KIFC3: variants seen among roughly 807,000 people sequenced by gnomAD.
The protein encoded by KIFC3 is kinesin family member C3, also known as kinesin-like protein KIFC3.
In KIFC3, 60 loss-of-function variants were observed where a neutral mutation model predicts 101.8. That is an observed-to-expected ratio of 0.59 (90% CI 0.48 to 0.73). KIFC3 has a LOEUF of 0.73. Among genes scored for constraint, KIFC3 ranks in the 30% least tolerant of loss-of-function variants. The probability of loss-of-function intolerance (pLI) is 0.00; values close to 1 mark genes in which losing one functional copy is unlikely to be tolerated. For synonymous variants in KIFC3, 476 were observed against 482.7 expected, an observed-to-expected ratio of 0.99 and a Z score of 0.18; for missense variants, 966 against 1,137.1, an observed-to-expected ratio of 0.85 and a Z score of 2.16.
At chr16:57,839,936 G>T (rs1290784521) in intron 1 of KIFC3, among the ~76,000 whole-genome samples, 5 of 152,044 alleles carry the variant, frequency 3.3e-5, no homozygotes, top group Admixed American at 6.6e-5. Context: ...ACTCTCCGCT[G>T]CCTAACAGAC....
intron 1 of KIFC3, among the ~76,000 whole-genome samples, chr16:57,850,287 C>T (rs1389748821): frequency 6.7e-6 from 1 of 150,254 alleles, no homozygotes; most frequent in Non-Finnish European, 1.5e-5. Flanking sequence ...CCTGTAGTCC[C>T]AGCTATTCAG....
At chr16:57,795,203 G>A in intron 2 of KIFC3, 62 bp from the exon 3 acceptor site, 1 of 1,575,730 alleles carries the variant, frequency 6.3e-7, no homozygotes, top group African/African-American at 1.4e-5. Flanking sequence ...TGCTAGCCAT[G>A]GACCACTGGC....
At chr16:57,810,436 G>A (rs1246542717) in intron 1 of KIFC3, among the ~76,000 whole-genome samples, 7 of 152,154 alleles carry the variant, frequency 4.6e-5, no homozygotes, top group Admixed American at 3.9e-4. Context: ...AAGTTTTGAC[G>A]CTGCTGATTA....
Position 57,761,540 on chromosome 16 carries a change from G to T in KIFC3, c.1749-4C>A. ...AGGCTCTTTCCCTAGCAGGTCCCTGGAGGGGCAGGTGAGACAGTCACCCCC... is the reference window on the plus strand; with the variant it reads ...AGGCTCTTTCCCTAGCAGGTCCCTGTAGGGGCAGGTGAGACAGTCACCCCC... On this transcript the variant is annotated splice_region_variant and splice_polypyrimidine_tract_variant and intron_variant, in intron 13 of 19. Transcript: ENST00000445690. The T allele has an allele frequency of 1.2e-6, 2 of 1,612,392 alleles. No individual in the cohort carries two copies. Among genetic ancestry groups the T allele is most frequent in the East Asian group, 4.5e-5 (2 of 44,878 alleles).
chr16:57,809,886 G>A (rs1306389921), intron 1 of KIFC3, among the ~76,000 whole-genome samples: 2 of 152,178 alleles, frequency 1.3e-5, no homozygotes, highest in Non-Finnish European at 2.9e-5. Flanking sequence ...ATATCTGAGC[G>A]ATGGCTGTCA....
At chr16:57,815,812 C>T (rs539294700) in intron 1 of KIFC3, among the ~76,000 whole-genome samples, 47 of 152,324 alleles carry the variant, frequency 3.1e-4, no homozygotes, top group East Asian at 9.6e-4. Flanking sequence ...ACACACACCC[C>T]CAAACACCCC....
chr16:57,827,011 C>T (rs1555630894), intron 1 of KIFC3, among the ~76,000 whole-genome samples: 1 of 152,222 alleles, frequency 6.6e-6, no homozygotes, highest in Non-Finnish European at 1.5e-5. Context: ...TAGGAAGGCT[C>T]TGCAACTCAC....
At chr16:57,773,467 A>G (rs577184712) in intron 3 of KIFC3, among the ~76,000 whole-genome samples, 16 of 152,306 alleles carry the variant, frequency 1.1e-4, no homozygotes, top group Admixed American at 6.5e-4. Context: ...AGCCTGAGCA[A>G]CACAGCAAGA....
At chr16:57,797,688 G>A in intron 2 of KIFC3, 1 of 1,133,532 alleles carries the variant, frequency 8.8e-7, no homozygotes. Context: ...TGGTGCCCAG[G>A]CAGCCACTTC....
rs1239531799 is a variant in KIFC3, at chr16:57,829,039, G to A, written c.109-30757C>T. ...AAACACTAGGCCAACTTCCCCAGTA[G>A]GTACAATAGGCACAGTGATTACAGA... On this transcript the variant is annotated intron_variant, in intron 1 of 2. Coordinates refer to the KIFC3 transcript ENST00000563028. Among the ~76,000 whole-genome samples the A allele has an allele frequency of 2.0e-5, 3 of 152,194 alleles. No homozygotes were observed. In the East Asian group the frequency reaches 5.8e-4, roughly 29 times the overall value.
Position 57,769,839 on chromosome 16 carries a change from C to T in KIFC3, c.1056G>A (p.Val352=), listed in dbSNP as rs782435385. ...AIEEAFARAQ[V]EMKAVHENLA... The stretch of plus-strand genomic sequence containing the variant: ...GATTCTCGTGCACAGCCTTCATCTC[C>T]ACCTGGGCTCTGGCAAAGGCCTCCT... The change falls in exon 8 of 20, where the codon GTG becomes GTA. Residue 352 remains valine (V), a synonymous_variant. Coordinates refer to ENST00000445690, the MANE Select transcript of KIFC3 (RefSeq NM_001130100.2). This position sits in a 1 kb window ranked among gnomAD's most constrained non-coding sequence, Gnocchi z 4.3. 5.6e-6 allele frequency: 9 copies of T among 1,613,684 alleles called. No homozygotes were observed. The highest frequency in any genetic ancestry group is 2.2e-5 in the South Asian group (2 of 91,080).
At chr16:57,760,635 G>T in intron 16 of KIFC3, 91 bp downstream of exon 16, 1 of 1,230,490 alleles carries the variant, frequency 8.1e-7, no homozygotes, top group East Asian at 2.4e-5. Flanking sequence ...GGGCGGGGAG[G>T]TCCATTTGCA....
chr16:57,849,952 G>A (rs1200809964), intron 1 of KIFC3, among the ~76,000 whole-genome samples: 7 of 152,000 alleles, frequency 4.6e-5, no homozygotes, highest in African/African-American at 1.7e-4. Context: ...GCTTCCACCT[G>A]TAATCCTAGT....
At chr16:57,766,003 C>T (rs925293172) in intron 10 of KIFC3, among the ~76,000 whole-genome samples, 1 of 152,150 alleles carries the variant, frequency 6.6e-6, no homozygotes, top group Non-Finnish European at 1.5e-5. Context: ...GGCTTGGGCC[C>T]CAATGAGCAA....
In KIFC3 at chr16:57,851,414, A is replaced by G. The variant is rs78106078; in HGVS notation, c.108+11315T>C. Among the ~76,000 whole-genome samples the G allele has an allele frequency of 5.3e-3, 812 of 152,280 alleles. 19 individuals are homozygous for G. Among genetic ancestry groups the G allele is most frequent in the Admixed American group, 0.037 (571 of 15,276 alleles). On this transcript the variant is annotated intron_variant, in intron 1 of 2. Coordinates refer to the KIFC3 transcript ENST00000563028. ...TGATTTTTCCCCTCATATTAAAAAC[A>G]CATAGATTTTTCTTGTGTTTATTTT...
chr16:57,829,540 C>T (rs1555478824), intron 1 of KIFC3, among the ~76,000 whole-genome samples: 1 of 152,178 alleles, frequency 6.6e-6, no homozygotes, highest in Non-Finnish European at 1.5e-5. Context: ...CAGGCGTGAG[C>T]CACCATGCCT....
chr16:57,828,920 G>A (rs1259278753), intron 1 of KIFC3, among the ~76,000 whole-genome samples: 4 of 151,948 alleles, frequency 2.6e-5, no homozygotes, highest in African/African-American at 7.3e-5. Context: ...CACTTGCTAC[G>A]GATTAAAACA....
chr16:57,813,125 C>T (rs1289951387), intron 1 of KIFC3, among the ~76,000 whole-genome samples: 5 of 152,156 alleles, frequency 3.3e-5, no homozygotes, highest in South Asian at 2.1e-4. Flanking sequence ...GTCAAGAGTT[C>T]GAGACCAGCC....
chr16:57,783,474 T>C (rs1247056502), intron 3 of KIFC3, among the ~76,000 whole-genome samples: 1 of 29,406 alleles, frequency 3.4e-5, no homozygotes, highest in African/African-American at 6.6e-5. Flanking sequence ...TTTCTTTTCT[T>C]TTTTTTTTTT....
Sources: allele counts gnomAD v4.1 joint callset (sites outside exome capture counted in the v4.1 genomes callset), GRCh38; gene constraint gnomAD v4.1.1; non-coding constraint Gnocchi (gnomAD v3.1); transcripts MANE v1.5; gene names NCBI Gene and HGNC (gene_info 2026-07-23, HGNC 2026-07-21).